RABL3: variants seen among roughly 807,000 people sequenced by gnomAD.
The protein encoded by RABL3 is rab-like protein 3.
In RABL3, 31 loss-of-function variants were observed where a neutral mutation model predicts 31.8. The ratio of observed to expected loss-of-function variants is 0.97; its 90% CI spans 0.73 to 1.31. RABL3 has a LOEUF of 1.31. Among genes scored for constraint, RABL3 ranks in the 40% most tolerant of loss-of-function variants. RABL3 has a pLI of 0.00. For synonymous variants in RABL3, 97 were observed against 99.9 expected (o/e 0.97, Z 0.18); for missense variants, 263 against 279.6 (o/e 0.94, Z 0.42).
intron 2 of RABL3, among the ~76,000 whole-genome samples, chr3:120,713,808 CTTT>C (rs61372023): frequency 8.2e-6 from 1 of 121,704 alleles, no homozygotes; most frequent in Non-Finnish European, 1.7e-5. Flanking sequence ...TTGTCTGTAA[CTTT>C]TTTTTTTTTT....
chr3:120,729,084 CCAGT>C (rs1708854253), intron 2 of RABL3, among the ~76,000 whole-genome samples: 1 of 151,868 alleles, frequency 6.6e-6, no homozygotes, highest in Non-Finnish European at 1.5e-5. Context: ...GATGAGGTGC[CCAGT>C]CAGTGAAAAG....
intron 2 of RABL3, among the ~76,000 whole-genome samples, chr3:120,730,037 C>G (rs1202916997): frequency 6.6e-6 from 1 of 152,014 alleles, no homozygotes; most frequent in Non-Finnish European, 1.5e-5. Flanking sequence ...AATAATTAGT[C>G]TTACGGAAGA....
Position 120,727,466 on chromosome 3 carries a change from G to A in RABL3, c.138+3230C>T, listed in dbSNP as rs191453037. On this transcript the variant is annotated intron_variant, in intron 2 of 7. Transcript: ENST00000273375. ...CTTTAATGTTACTTAAAAACTTCCC[G>A]CAAAGAAAAACTTAGGTCCAGATGG... Among the ~76,000 whole-genome samples the A allele has an allele frequency of 2.4e-3, 368 of 151,692 alleles. 1 individual carries two copies. The highest frequency in any genetic ancestry group is 4.6e-3 in the Non-Finnish European group (310 of 67,908).
At chr3:120,736,063 C>A (rs1305864464) in intron 1 of RABL3, among the ~76,000 whole-genome samples, 1 of 152,168 alleles carries the variant, frequency 6.6e-6, no homozygotes, top group Non-Finnish European at 1.5e-5. Context: ...ATTAGGTCCG[C>A]TTGGTGCAGA....
rs1003843139 is a variant in RABL3 at position 120,687,737 on chromosome 3, T to C, written c.*2086A>G. 2.0e-5 allele frequency: 3 copies of C among 151,768 alleles called. No homozygotes were observed. The highest frequency in any genetic ancestry group is 7.2e-5 in the African/African-American group (3 of 41,416). The allele number at this position is 151,768 out of a possible 1,614,324, so 9.4% of individuals were successfully genotyped here. On this transcript the variant is annotated 3_prime_UTR_variant, in exon 8 of 8. Transcript: ENST00000273375. ...GAGGAATACTGTTAATTTTTCCAGATTGACCCTGGAGTCATCAGCAATAGT... is the reference window on the plus strand; with the variant it reads ...GAGGAATACTGTTAATTTTTCCAGACTGACCCTGGAGTCATCAGCAATAGT...
At chr3:120,730,910 C>A in intron 1 of RABL3, 123 bp from the exon 2 acceptor site, 1 of 691,084 alleles carries the variant, frequency 1.4e-6, no homozygotes, top group Admixed American at 2.6e-5. Context: ...AATGCCATAC[C>A]AACAATATAA....
intron 1 of RABL3, among the ~76,000 whole-genome samples, chr3:120,735,864 T>A (rs1260994348): frequency 6.6e-6 from 1 of 151,778 alleles, no homozygotes; most frequent in Non-Finnish European, 1.5e-5. Flanking sequence ...TTTGAGTGAG[T>A]TTCTCAATCC....
At chr3:120,721,511 A>C (rs1169570025) in intron 2 of RABL3, among the ~76,000 whole-genome samples, 2 of 152,196 alleles carry the variant, frequency 1.3e-5, no homozygotes, top group Admixed American at 6.5e-5. Context: ...AAACAAAAAA[A>C]GGCAGGGGTT....
At chr3:120,694,773 T>C (rs908214409) in intron 5 of RABL3, among the ~76,000 whole-genome samples, 1 of 152,214 alleles carries the variant, frequency 6.6e-6, no homozygotes, top group African/African-American at 2.4e-5. Flanking sequence ...CACAAAGATA[T>C]ATTATTTTTG....
chr3:120,694,179 C>T lies in RABL3; in HGVS notation c.580G>A (p.Val194Ile). 6.2e-7 allele frequency: 1 copy of T among 1,609,944 alleles called. No homozygotes were observed. Among genetic ancestry groups the T allele is most frequent in the South Asian group, 1.1e-5 (1 of 90,610 alleles). ...TTATCAAAAAACCTACTGAGCTTGA[C>T]AGCATTGGAAGAACCTGCAGCTAAG... Reference protein sequence around the residue: ...RYLAAGSSNAVKLSRFFDKVI... With the variant: ...RYLAAGSSNAIKLSRFFDKVI... The change falls in exon 6 of 8, where the codon GTC (valine) becomes ATC (isoleucine). Residue 194 changes from valine to isoleucine, a missense_variant. Coordinates refer to ENST00000273375, the MANE Select transcript of RABL3 (RefSeq NM_173825.5).
chr3:120,727,529 A>G (rs1240680567), intron 2 of RABL3, among the ~76,000 whole-genome samples: 2 of 152,176 alleles, frequency 1.3e-5, no homozygotes, highest in Non-Finnish European at 2.9e-5. Context: ...TAAGAAAAAA[A>G]AAATACCAAT....
chr3:120,702,828 A>G (rs1455623739), intron 4 of RABL3, among the ~76,000 whole-genome samples: 1 of 152,154 alleles, frequency 6.6e-6, no homozygotes, highest in Non-Finnish European at 1.5e-5. Flanking sequence ...AAGTGCTGAG[A>G]TTACAGGCGT....
intron 2 of RABL3, among the ~76,000 whole-genome samples, chr3:120,711,428 C>T (rs1156644448): frequency 6.6e-6 from 1 of 152,140 alleles, no homozygotes; most frequent in African/African-American, 2.4e-5. Context: ...GTCTCTATCT[C>T]CTTGCCTGAA....
rs748327896 is a variant in RABL3 at position 120,731,779 on chromosome 3, C to T, written c.47-992G>A. Among the ~76,000 whole-genome samples, 21 of 152,168 alleles carry T rather than the reference C, an allele frequency of 1.4e-4. No homozygotes were observed. The East Asian group carries it at 2.1e-3, about 15-fold the overall frequency. On this transcript the variant is annotated intron_variant, in intron 1 of 7. Coordinates refer to ENST00000273375, the MANE Select transcript of RABL3 (RefSeq NM_173825.5). ...AGTATGCACAAATGAGGGCCAGGCA[C>T]GGTGGCTCACGTCTGTACTCCCAGT...
intron 4 of RABL3, among the ~76,000 whole-genome samples, chr3:120,704,938 A>G (rs1708532237): frequency 6.6e-6 from 1 of 152,130 alleles, no homozygotes; most frequent in Non-Finnish European, 1.5e-5. Context: ...AGGCACAATA[A>G]TTGCTTGAAC....
intron 2 of RABL3, among the ~76,000 whole-genome samples, chr3:120,714,316 A>G (rs1172808993): frequency 6.6e-6 from 1 of 152,174 alleles, no homozygotes; most frequent in Non-Finnish European, 1.5e-5. Flanking sequence ...TACTAGGAGA[A>G]TATACCACAG....
At chr3:120,729,367 A>T (rs1708857271) in intron 2 of RABL3, among the ~76,000 whole-genome samples, 1 of 152,178 alleles carries the variant, frequency 6.6e-6, no homozygotes, top group Non-Finnish European at 1.5e-5. Flanking sequence ...AGCATACAGG[A>T]CTTCCAAAGG....
intron 1 of RABL3, among the ~76,000 whole-genome samples, chr3:120,737,025 G>T (rs1264467116): frequency 6.6e-6 from 1 of 152,210 alleles, no homozygotes; most frequent in East Asian, 1.9e-4. Flanking sequence ...CTCTTGAGGA[G>T]TATCTTTGTG....
intron 2 of RABL3, among the ~76,000 whole-genome samples, chr3:120,713,808 C>CTTTTTTTTTTTTTTTTT: frequency 8.2e-6 from 1 of 121,712 alleles, no homozygotes; most frequent in Non-Finnish European, 1.7e-5. Context: ...TTGTCTGTAA[C>CTTTTTTTTTTTTTTTTT]TTTTTTTTTT....
Sources: allele counts gnomAD v4.1 joint callset (sites outside exome capture counted in the v4.1 genomes callset), GRCh38; gene constraint gnomAD v4.1.1; transcripts MANE v1.5; gene names NCBI Gene and HGNC (gene_info 2026-07-23, HGNC 2026-07-21).